CDH7: variants seen among roughly 807,000 people sequenced by gnomAD.
CDH7 encodes the protein cadherin-7.
CDH7 carries 25 observed loss-of-function variants against 71.8 expected under a neutral mutation model. The ratio of observed to expected loss-of-function variants is 0.35; its 90% CI spans 0.25 to 0.49. The LOEUF (loss-of-function observed/expected upper bound fraction) is 0.49. Ranked by LOEUF, CDH7 falls within the 20% of genes least tolerant of loss-of-function variation. The pLI, the probability that CDH7 is intolerant of heterozygous loss-of-function variation, is 0.99. For synonymous variants in CDH7, 381 were observed against 363.8 expected (o/e 1.05, Z -0.54); for missense variants, 862 against 974.6 (o/e 0.88, Z 1.54).
rs1445461161 is a variant in CDH7, at chr18:65,843,913, G to A, written c.1083G>A (p.Thr361=). The A allele has an allele frequency of 1.2e-6, 2 of 1,606,270 alleles. No individual in the cohort carries two copies. Among genetic ancestry groups the A allele is most frequent in the Non-Finnish European group, 1.7e-6 (2 of 1,175,188 alleles). ...TGAGCTTGGGTCCGTTCAGTGACAC[G>A]ACAACTGTGAAGATAATTGTGGAAG... ...RFLSLGPFSD[T]TTVKIIVEDV... is the part of the protein sequence containing the mutation. Residue 361 remains threonine (T), a synonymous_variant, in exon 7 of 12, where the codon ACG becomes ACA. Transcript: ENST00000397968.
chr18:65,868,419 G>A (rs952180132), intron 11 of CDH7, among the ~76,000 whole-genome samples: 6 of 152,120 alleles, frequency 3.9e-5, no homozygotes, highest in Admixed American at 1.3e-4. Flanking sequence ...GTCAGAGTCC[G>A]GACCCAAACA....
intron 2 of CDH7, among the ~76,000 whole-genome samples, chr18:65,778,281 A>AC (rs1227553691): frequency 6.7e-6 from 1 of 150,276 alleles, no homozygotes; most frequent in Non-Finnish European, 1.5e-5. Flanking sequence ...CAAAAAAAAA[A>AC]AAAAAAAAAA....
At chr18:65,846,099 G>C (rs2143997647) in intron 7 of CDH7, among the ~76,000 whole-genome samples, 1 of 151,868 alleles carries the variant, frequency 6.6e-6, no homozygotes, top group East Asian at 1.9e-4. Flanking sequence ...ATTTTCATTG[G>C]AAAAAAGTCA....
At chr18:65,829,466 T>TAAAA (rs35511160) in intron 6 of CDH7, among the ~76,000 whole-genome samples, 50 of 144,752 alleles carry the variant, frequency 3.5e-4, no homozygotes, top group African/African-American at 9.4e-4. Flanking sequence ...TAGGTAAAAT[T>TAAAA]AAAAAAAAAA....
At chr18:65,790,436 A>G (rs1315458630) in intron 2 of CDH7, among the ~76,000 whole-genome samples, 1 of 151,960 alleles carries the variant, frequency 6.6e-6, no homozygotes, top group East Asian at 1.9e-4. Context: ...AAGTGTAAGA[A>G]TAAGTACTCT....
chr18:65,881,205 C>T lies in CDH7; in HGVS notation c.*311C>T. 1 of 215,624 alleles carries T rather than the reference C, an allele frequency of 4.6e-6. No homozygotes were observed. The highest frequency in any genetic ancestry group is 9.3e-6 in the Non-Finnish European group (1 of 107,994). 13.4% of individuals were successfully genotyped at this position (215,624 alleles called of 1,614,324 possible). On this transcript the variant is annotated 3_prime_UTR_variant, in exon 12 of 12. Transcript: ENST00000397968. ...ATATACCTGCAAAGGCACCAAACCTCTATGAGAAAGTAGTGCCCTGTGTTG... is the reference window on the plus strand; with the variant it reads ...ATATACCTGCAAAGGCACCAAACCTTTATGAGAAAGTAGTGCCCTGTGTTG...
At position 65,886,046 on chromosome 18, in the gene CDH7, G is replaced by A. The variant is rs2144083943; in HGVS notation, c.*5152G>A. 6.6e-6 allele frequency: 1 copy of A among 152,182 alleles called. No individual in the cohort carries two copies. The highest frequency in any genetic ancestry group is 2.4e-5 in the African/African-American group (1 of 41,510). 9.4% of individuals were successfully genotyped at this position (152,182 alleles called of 1,614,324 possible). Reference sequence around the variant, plus strand: ...ATACCAGAAATTACCTCTGGTCTGTGGTTATAAAATCTAGGTCAGAAGCTC... The same window carrying A: ...ATACCAGAAATTACCTCTGGTCTGTAGTTATAAAATCTAGGTCAGAAGCTC... On this transcript the variant is annotated 3_prime_UTR_variant, in exon 12 of 12. Coordinates refer to ENST00000397968, the MANE Select transcript of CDH7 (RefSeq NM_004361.5).
chr18:65,839,862 G>T (rs1912664692), intron 6 of CDH7, among the ~76,000 whole-genome samples: 1 of 152,106 alleles, frequency 6.6e-6, no homozygotes, highest in East Asian at 1.9e-4. Flanking sequence ...TTACCATATT[G>T]GGCTCCTTAG....
intron 7 of CDH7, among the ~76,000 whole-genome samples, chr18:65,851,380 T>C (rs1195054423): frequency 2.0e-5 from 3 of 152,212 alleles, no homozygotes; most frequent in Admixed American, 6.5e-5. Context: ...TGTATTACAT[T>C]ATCTTTTGCC....
At chr18:65,856,980 T>A (rs1913380427) in intron 7 of CDH7, among the ~76,000 whole-genome samples, 2 of 150,566 alleles carry the variant, frequency 1.3e-5, no homozygotes, top group East Asian at 3.9e-4. Context: ...TTGAAACATG[T>A]CTTTAGAATC....
chr18:65,773,693 A>C (rs1438673028), intron 2 of CDH7, among the ~76,000 whole-genome samples: 1 of 152,142 alleles, frequency 6.6e-6, no homozygotes, highest in African/African-American at 2.4e-5. Flanking sequence ...GAAAGCCTGA[A>C]ATATGGTATG....
intron 2 of CDH7, among the ~76,000 whole-genome samples, chr18:65,765,243 A>C (rs1420727189): frequency 6.6e-6 from 1 of 152,052 alleles, no homozygotes; most frequent in South Asian, 2.1e-4. Flanking sequence ...GAATTTGTAC[A>C]CAAGAGAGAC....
chr18:65,798,860 T>A (rs935911747), intron 2 of CDH7, among the ~76,000 whole-genome samples: 2 of 152,164 alleles, frequency 1.3e-5, no homozygotes, highest in African/African-American at 4.8e-5. Flanking sequence ...AGCACACGAA[T>A]GTTTCATTTG....
At chr18:65,777,744 A>G (rs1166468243) in intron 2 of CDH7, among the ~76,000 whole-genome samples, 1 of 152,180 alleles carries the variant, frequency 6.6e-6, no homozygotes, top group African/African-American at 2.4e-5. Flanking sequence ...AGTATATAAG[A>G]ATATGGCCAT....
intron 3 of CDH7, among the ~76,000 whole-genome samples, chr18:65,813,566 C>G (rs1170246795): frequency 6.6e-6 from 1 of 151,818 alleles, no homozygotes; most frequent in Non-Finnish European, 1.5e-5. Context: ...ATGTTGTATT[C>G]AGGAAATTAT....
In CDH7 at chr18:65,880,546, A is replaced by T. The variant is rs1189051219; in HGVS notation, c.2010A>T (p.Ala670=). Residue 670 remains alanine (A), a synonymous_variant, in exon 12 of 12, where the codon GCA becomes GCT. Transcript: ENST00000397968. The part of the protein sequence containing the change: ...EEDTEAFDMA[A]LRNLNVIRDT... The stretch of plus-strand genomic sequence containing the variant: ...ACACGGAAGCGTTTGACATGGCTGC[A>T]CTGAGAAACCTCAACGTCATCCGAG... 1.9e-6 allele frequency: 3 copies of T among 1,613,948 alleles called. No individual in the cohort carries two copies. The highest frequency in any genetic ancestry group is 4.5e-5 in the East Asian group (2 of 44,876).
At chr18:65,865,275 T>C (rs1913717766) in intron 11 of CDH7, 1 of 152,166 alleles carries the variant, frequency 6.6e-6, no homozygotes, top group African/African-American at 2.4e-5. Flanking sequence ...TTCTTAGATA[T>C]ACTGTATATG....
rs1910264953 is a variant in CDH7, at chr18:65,781,943, TC to T, written c.210+18892del. 3.1e-5 allele frequency among the ~76,000 whole-genome samples: 3 copies of T among 98,318 alleles called. 1 individual carries two copies. The highest frequency in any genetic ancestry group is 5.5e-5 in the Non-Finnish European group (3 of 54,870). The allele number at this position is 98,318 out of a possible 152,430, so 64.5% of individuals were successfully genotyped here. On this transcript the variant is annotated intron_variant, in intron 2 of 11. Transcript: ENST00000397968. ...CTCTTTCTCTCTCTCTCTCTCTCTC[TC>T]TTTCTCTCTTTCTCTCTTTCTCTCT...
chr18:65,784,113 A>ATTTTT (rs72393865), intron 2 of CDH7, among the ~76,000 whole-genome samples: 25,751 of 105,934 alleles, frequency 0.24, 2,986 homozygotes, highest in South Asian at 0.34. Flanking sequence ...ACCCACAGCT[A>ATTTTT]TTTTTTTTTT....
Sources: gnomAD v4.1 joint callset for allele counts (sites outside exome capture counted in the v4.1 genomes callset) on GRCh38, gnomAD v4.1.1 for gene constraint, MANE v1.5 for transcripts, NCBI Gene and HGNC (gene_info 2026-07-23, HGNC 2026-07-21) for gene names.